Variants in TPRG1 observed in about 807,000 individuals in gnomAD.
TPRG1 encodes the protein tumor protein p63-regulated gene 1 protein.
Under a neutral mutation model 29.3 loss-of-function variants are expected in TPRG1, and 29 were observed. The ratio of observed to expected loss-of-function variants is 0.99; its 90% CI spans 0.74 to 1.35. TPRG1 has a LOEUF of 1.35. Among genes scored for constraint, TPRG1 ranks in the 40% most tolerant of loss-of-function variants. The pLI, the probability that TPRG1 is intolerant of heterozygous loss-of-function variation, is 0.00. For missense variants in TPRG1, 327 were observed against 335.0 expected (o/e 0.98, Z 0.19); for synonymous variants, 130 against 116.8 (o/e 1.11, Z -0.73).
At chr3:189,194,210 C>G (rs1422369066) in intron 1 of TPRG1, among the ~76,000 whole-genome samples, 1 of 152,096 alleles carries the variant, frequency 6.6e-6, no homozygotes, top group African/African-American at 2.4e-5. Flanking sequence ...GTGGGCACCT[C>G]AGTGGCCTAG....
chr3:189,118,036 T>C (rs1239422680), intron 1 of TPRG1, among the ~76,000 whole-genome samples: 1 of 152,130 alleles, frequency 6.6e-6, no homozygotes, highest in Non-Finnish European at 1.5e-5. Flanking sequence ...GTGGGAAAGT[T>C]TGAGACTTCC....
At chr3:189,161,745 C>T (rs977089451) in intron 5 of TPRG1, among the ~76,000 whole-genome samples, 3 of 152,098 alleles carry the variant, frequency 2.0e-5, no homozygotes, top group Non-Finnish European at 4.4e-5. Context: ...TCAAAGAGCT[C>T]TCAGATTAAT....
At chr3:189,172,910 C>T (rs1253205874) in intron 1 of TPRG1, among the ~76,000 whole-genome samples, 1 of 152,046 alleles carries the variant, frequency 6.6e-6, no homozygotes, top group Non-Finnish European at 1.5e-5. Flanking sequence ...TCATACAGGC[C>T]CTGGGGAAAT....
At chr3:189,104,006 G>A (rs1456554364) in intron 1 of TPRG1, among the ~76,000 whole-genome samples, 1 of 152,118 alleles carries the variant, frequency 6.6e-6, no homozygotes, top group Non-Finnish European at 1.5e-5. Flanking sequence ...AGAGGGGTTA[G>A]GTGAGAAAAC....
Position 189,320,200 on chromosome 3 carries a change from G to A in TPRG1, c.634-426G>A, listed in dbSNP as rs971914317. Among the ~76,000 whole-genome samples the A allele has an allele frequency of 2.6e-5, 4 of 151,924 alleles. No homozygotes were observed. The Admixed American group carries it at 2.6e-4, about 10-fold the overall frequency. ...TAAAATGTCCCTGGAACTTGTTGTA[G>A]GCGCTTCATCAATATTTCTTAAGTA... On this transcript the variant is annotated intron_variant, in intron 5 of 5. Transcript: ENST00000345063.
intron 4 of TPRG1, among the ~76,000 whole-genome samples, chr3:189,071,408 T>TACACACACAC (rs140146383): frequency 1.3e-5 from 2 of 151,278 alleles, no homozygotes; most frequent in African/African-American, 4.9e-5. Context: ...GTATGAGTTT[T>TACACACACAC]ACACACACAC....
At chr3:189,240,664 C>G (rs1047756480) in intron 4 of TPRG1, 4 of 152,076 alleles carry the variant, frequency 2.6e-5, no homozygotes, top group Non-Finnish European at 4.4e-5. Flanking sequence ...AAAACTTGCT[C>G]CCATAATTCA....
intron 3 of TPRG1, among the ~76,000 whole-genome samples, chr3:189,012,974 A>G (rs1449263597): frequency 6.6e-6 from 1 of 151,926 alleles, no homozygotes; most frequent in Admixed American, 6.6e-5. Flanking sequence ...AGGATTTTTC[A>G]TATCTCTACG....
chr3:189,265,111 G>T (rs1713828381), intron 4 of TPRG1, among the ~76,000 whole-genome samples: 1 of 152,230 alleles, frequency 6.6e-6, no homozygotes, highest in Admixed American at 6.5e-5. Flanking sequence ...AAAGTGTTCT[G>T]CTTTGTGGTT....
intron 2 of TPRG1, among the ~76,000 whole-genome samples, chr3:189,214,536 G>T (rs1191572180): frequency 2.0e-5 from 3 of 152,116 alleles, no homozygotes; most frequent in African/African-American, 7.2e-5. Context: ...AACCTTCTCT[G>T]TCGAAGTACA....
chr3:189,023,293 T>G (rs1057118882), intron 3 of TPRG1, among the ~76,000 whole-genome samples: 1 of 152,234 alleles, frequency 6.6e-6, no homozygotes, highest in Non-Finnish European at 1.5e-5. Context: ...CTGTTCTGCT[T>G]TAATACTTGT....
At chr3:189,210,510 G>A (rs1204373817) in intron 2 of TPRG1, among the ~76,000 whole-genome samples, 2 of 122,902 alleles carry the variant, frequency 1.6e-5, no homozygotes, top group Non-Finnish European at 3.0e-5. Flanking sequence ...ATCTATGAAA[G>A]AGTCATGATA....
chr3:189,168,837 A>G (rs990081339), upstream of TPRG1, among the ~76,000 whole-genome samples: 11 of 152,166 alleles, frequency 7.2e-5, no homozygotes, highest in East Asian at 1.5e-3. Context: ...ATGCATGTTT[A>G]TTTACCAATT....
chr3:189,131,147 C>T (rs956353609), intron 2 of TPRG1, among the ~76,000 whole-genome samples: 3 of 152,054 alleles, frequency 2.0e-5, no homozygotes, highest in Admixed American at 1.3e-4. Context: ...TGTTTTAAAT[C>T]GGAGCAGCGA....
upstream of TPRG1, among the ~76,000 whole-genome samples, chr3:189,097,157 C>T (rs767432612): frequency 1.2e-4 from 19 of 152,300 alleles, no homozygotes; most frequent in Middle Eastern, 3.4e-3. Flanking sequence ...TTCCAAAACT[C>T]AAATTATCAC....
intron 4 of TPRG1, among the ~76,000 whole-genome samples, chr3:189,068,502 C>T (rs115106043): frequency 0.03 from 4,641 of 152,276 alleles, 98 homozygotes; most frequent in Non-Finnish European, 0.048. Flanking sequence ...CTTGGCTGGA[C>T]GCAGTGGCTC....
chr3:189,149,322 A>T (rs1011712858), intron 4 of TPRG1, among the ~76,000 whole-genome samples: 1 of 152,182 alleles, frequency 6.6e-6, no homozygotes, highest in African/African-American at 2.4e-5. Context: ...AGCACAGATA[A>T]TCTATGATGG....
chr3:189,097,281 A>G (rs1016374449), upstream of TPRG1, among the ~76,000 whole-genome samples: 7 of 152,352 alleles, frequency 4.6e-5, no homozygotes, highest in Middle Eastern at 3.4e-3. Flanking sequence ...TTGAAAGCTT[A>G]AATTTTATGA....
At chr3:189,217,667 C>T (rs999985515) in intron 3 of TPRG1, among the ~76,000 whole-genome samples, 2 of 152,082 alleles carry the variant, frequency 1.3e-5, no homozygotes, top group Admixed American at 6.5e-5. Flanking sequence ...TCGTGGGTTC[C>T]GAGATGCATT....
Sources: allele counts gnomAD v4.1 joint callset (sites outside exome capture counted in the v4.1 genomes callset), GRCh38; gene constraint gnomAD v4.1.1; transcripts MANE v1.5; gene names NCBI Gene and HGNC (gene_info 2026-07-23, HGNC 2026-07-21).